The following CSTA variants were observed in gnomAD, a reference collection of about 807,000 sequenced individuals.
CSTA encodes the protein cystatin A, also known as cystatin-A.
In CSTA, 9 loss-of-function variants were observed where a neutral mutation model predicts 9.2. That is an observed-to-expected ratio of 0.97 (90% CI 0.59 to 1.70). The LOEUF is 1.70. CSTA is among the 40% of genes most tolerant of loss of function. CSTA has a pLI of 0.00. For missense variants in CSTA, 118 were observed against 113.1 expected (o/e 1.04, Z -0.20); for synonymous variants, 36 against 40.6 (o/e 0.89, Z 0.43).
At chr3:122,327,528 C>CAAAAAAA (rs59568582) in intron 1 of CSTA, among the ~76,000 whole-genome samples, 3 of 44,074 alleles carry the variant, frequency 6.8e-5, no homozygotes, top group African/African-American at 1.9e-4. Context: ...GACTCCGTCT[C>CAAAAAAA]AAAAAAAAAA....
chr3:122,334,433 C>T (rs112779893), intron 1 of CSTA, among the ~76,000 whole-genome samples: 18,419 of 151,914 alleles, frequency 0.12, 1,405 homozygotes, highest in Middle Eastern at 0.27. Context: ...ACTATGATCA[C>T]GCCACTGCAC....
intron 1 of CSTA, among the ~76,000 whole-genome samples, chr3:122,333,591 G>GAAAGAAAGAAAGAAAGAAAGA (rs1476620388): frequency 9.0e-6 from 1 of 111,206 alleles, no homozygotes; most frequent in Admixed American, 9.8e-5. Context: ...AAGAAAGAAA[G>GAAAGAAAGAAAGAAAGAAAGA]AAGAAAGAGA....
intron 1 of CSTA, among the ~76,000 whole-genome samples, chr3:122,328,581 A>G (rs992699889): frequency 3.3e-5 from 5 of 151,378 alleles, no homozygotes; most frequent in African/African-American, 1.2e-4. Flanking sequence ...TCTCTACCAC[A>G]CAGTGGCAGA....
intron 1 of CSTA, among the ~76,000 whole-genome samples, chr3:122,327,162 C>T (rs927215896): frequency 1.3e-4 from 19 of 151,744 alleles, no homozygotes; most frequent in African/African-American, 4.4e-4. Flanking sequence ...TACTTGAGCC[C>T]AGGATGCAGA....
At chr3:122,337,850 T>C (rs1559982676) in intron 2 of CSTA, 3 of 584,172 alleles carry the variant, frequency 5.1e-6, no homozygotes. Flanking sequence ...CAGAAAGTTT[T>C]ATTACATTGA....
At chr3:122,341,123 A>G (rs1010556940) in intron 2 of CSTA, among the ~76,000 whole-genome samples, 18 of 152,016 alleles carry the variant, frequency 1.2e-4, no homozygotes, top group African/African-American at 4.3e-4. Flanking sequence ...TTGTATTTTT[A>G]GTAGAGACGG....
intron 1 of CSTA, among the ~76,000 whole-genome samples, chr3:122,327,021 C>G (rs1253072205): frequency 1.1e-4 from 17 of 152,010 alleles, no homozygotes; most frequent in Admixed American, 9.8e-4. Flanking sequence ...AGGTGGATCA[C>G]AAGGTCAGCA....
chr3:122,336,367 G>C (rs1283978892), intron 1 of CSTA, among the ~76,000 whole-genome samples: 1 of 152,148 alleles, frequency 6.6e-6, no homozygotes, highest in Non-Finnish European at 1.5e-5. Flanking sequence ...CAGGCATCAG[G>C]TGAAGGAGCT....
In CSTA at chr3:122,341,607, A is replaced by G. The variant is rs1238454593; in HGVS notation, c.*40A>G. On this transcript the variant is annotated 3_prime_UTR_variant, in exon 3 of 3. Transcript: ENST00000264474. Reference sequence around the variant, plus strand: ...AGTGTTCTGATTCCTTCAACTGGCTACTGAGTCATGATCCTTGCTGATAAA... The same window carrying G: ...AGTGTTCTGATTCCTTCAACTGGCTGCTGAGTCATGATCCTTGCTGATAAA... The G allele has an allele frequency of 1.2e-6, 2 of 1,612,754 alleles. No individual in the cohort carries two copies. Among genetic ancestry groups the G allele is most frequent in the Non-Finnish European group, 1.7e-6 (2 of 1,178,960 alleles).
intron 1 of CSTA, among the ~76,000 whole-genome samples, chr3:122,332,921 C>T (rs569095425): frequency 6.6e-6 from 1 of 152,316 alleles, no homozygotes; most frequent in South Asian, 2.1e-4. Flanking sequence ...GTTTCACTGA[C>T]AAGCTCCCCT....
intron 1 of CSTA, among the ~76,000 whole-genome samples, chr3:122,334,549 G>A (rs72972703): frequency 0.018 from 2,679 of 152,174 alleles, 76 homozygotes; most frequent in African/African-American, 0.062. Flanking sequence ...AATCCTAGAT[G>A]GACTGGAGGC....
Position 122,341,745 on chromosome 3 carries a change from C to T in CSTA, c.*178C>T. The T allele has an allele frequency of 2.7e-6, 2 of 746,702 alleles. No individual in the cohort carries two copies. The highest frequency in any genetic ancestry group is 4.2e-6 in the Non-Finnish European group (2 of 471,052). 46.3% of individuals were successfully genotyped at this position (746,702 alleles called of 1,614,324 possible). On this transcript the variant is annotated 3_prime_UTR_variant, in exon 3 of 3. Transcript: ENST00000264474. ...TTCTTTCTCAAAATCAGTGTTATTGCTTTAGAGTATAAACTCCATATAAAT... is the reference window on the plus strand; with the variant it reads ...TTCTTTCTCAAAATCAGTGTTATTGTTTTAGAGTATAAACTCCATATAAAT...
intron 1 of CSTA, among the ~76,000 whole-genome samples, chr3:122,336,955 T>C (rs759500674): frequency 7.2e-5 from 11 of 152,192 alleles, no homozygotes; most frequent in African/African-American, 1.2e-4. Context: ...ACCCAGATTG[T>C]AGGAGACTGA....
rs181008707 is a variant in CSTA at position 122,339,840 on chromosome 3, C to T, written c.169-1599C>T. Among the ~76,000 whole-genome samples the T allele has an allele frequency of 3.3e-5, 5 of 152,224 alleles. No individual in the cohort carries two copies. In the East Asian group the frequency reaches 9.7e-4, roughly 29 times the overall value. On this transcript the variant is annotated intron_variant, in intron 2 of 2. Transcript: ENST00000264474. ...ACTGCACTGTGAGCCAGGCCTCATTCCCCGATCAGTACCCCCCAAAAATGT... is the reference window on the plus strand; with the variant it reads ...ACTGCACTGTGAGCCAGGCCTCATTTCCCGATCAGTACCCCCCAAAAATGT...
chr3:122,340,893 A>C (rs183367958), intron 2 of CSTA, among the ~76,000 whole-genome samples: 100 of 152,254 alleles, frequency 6.6e-4, no homozygotes, highest in Admixed American at 2.6e-3. Flanking sequence ...ACTAAAAAAA[A>C]TAACAAAATA....
At chr3:122,335,613 ATTATTTAT>A (rs147927095) in intron 1 of CSTA, among the ~76,000 whole-genome samples, 134 of 150,716 alleles carry the variant, frequency 8.9e-4, no homozygotes, top group African/African-American at 2.8e-3. Flanking sequence ...GATTTATTTT[ATTATTTAT>A]TTATTTATTT....
chr3:122,333,587 G>T (rs2075218440), intron 1 of CSTA, among the ~76,000 whole-genome samples: 1 of 119,024 alleles, frequency 8.4e-6, no homozygotes, highest in Non-Finnish European at 1.7e-5. Context: ...AAGAAAGAAA[G>T]AAAGAAGAAA....
intron 1 of CSTA, among the ~76,000 whole-genome samples, chr3:122,333,691 AG>A (rs1221110806): frequency 6.7e-6 from 1 of 149,946 alleles, no homozygotes; most frequent in Non-Finnish European, 1.5e-5. Context: ...AGAAAGAAAG[AG>A]AGAGAGAAAG....
chr3:122,338,336 T>G (rs2075247022), intron 2 of CSTA: 1 of 152,160 alleles, frequency 6.6e-6, no homozygotes, highest in Non-Finnish European at 1.5e-5. Context: ...ATGTTTGTCC[T>G]TATATATTAA....
Sources: allele counts gnomAD v4.1 joint callset (sites outside exome capture counted in the v4.1 genomes callset), GRCh38; gene constraint gnomAD v4.1.1; transcripts MANE v1.5; gene names NCBI Gene and HGNC (gene_info 2026-07-23, HGNC 2026-07-21).